PRKN: variants seen among roughly 807,000 people sequenced by gnomAD.
The protein encoded by PRKN is parkin RBR E3 ubiquitin protein ligase, also known as E3 ubiquitin-protein ligase parkin.
PRKN carries 56 observed loss-of-function variants against 59.5 expected under a neutral mutation model. The ratio of observed to expected loss-of-function variants is 0.94; its 90% CI spans 0.76 to 1.18. The LOEUF (loss-of-function observed/expected upper bound fraction) is 1.18, where lower values mean the gene tolerates loss of function less well. Ranked by LOEUF, PRKN falls within the 50% of genes most tolerant of loss-of-function variation. PRKN has a pLI of 0.00. For missense variants in PRKN, 657 were observed against 596.4 expected (o/e 1.10, Z -1.06); for synonymous variants, 250 against 222.1 (o/e 1.13, Z -1.12).
At chr6:161,648,178 G>A (rs1474569161) in intron 7 of PRKN, among the ~76,000 whole-genome samples, 2 of 152,204 alleles carry the variant, frequency 1.3e-5, no homozygotes, top group Non-Finnish European at 2.9e-5. Flanking sequence ...GTGGCCAGAA[G>A]TAATTGTAGT....
chr6:161,698,629 A>G (rs1372103512), intron 7 of PRKN, among the ~76,000 whole-genome samples: 2 of 152,156 alleles, frequency 1.3e-5, no homozygotes, highest in African/African-American at 2.4e-5. Context: ...AGATCAAGAC[A>G]AAAGGATAGA....
At chr6:162,361,849 A>C (rs1785156899) in intron 2 of PRKN, among the ~76,000 whole-genome samples, 2 of 152,214 alleles carry the variant, frequency 1.3e-5, no homozygotes, top group Non-Finnish European at 2.9e-5. Context: ...ATATCAAAGC[A>C]AACCTTGAGG....
At chr6:162,263,884 C>A (rs1305256003) in intron 2 of PRKN, among the ~76,000 whole-genome samples, 1 of 151,488 alleles carries the variant, frequency 6.6e-6, no homozygotes, top group Non-Finnish European at 1.5e-5. Flanking sequence ...AACGCCACCC[C>A]CACCCCCCCA....
intron 6 of PRKN, among the ~76,000 whole-genome samples, chr6:161,870,925 G>A (rs1488813920): frequency 6.6e-6 from 1 of 151,954 alleles, no homozygotes; most frequent in Non-Finnish European, 1.5e-5. Context: ...TGAGACATGG[G>A]GAAAAATACT....
intron 1 of PRKN, among the ~76,000 whole-genome samples, chr6:162,590,500 A>G (rs1270179396): frequency 6.6e-6 from 1 of 152,192 alleles, no homozygotes; most frequent in African/African-American, 2.4e-5. Flanking sequence ...AGTGGCTAGT[A>G]CAACATATTT....
intron 6 of PRKN, among the ~76,000 whole-genome samples, chr6:161,972,258 G>C (rs971718094): frequency 2.8e-5 from 4 of 140,560 alleles, no homozygotes; most frequent in Non-Finnish European, 6.1e-5. Context: ...TGAGCAACAA[G>C]AGCGAAACTC....
At chr6:161,587,082 A>G (rs958001472) in intron 7 of PRKN, among the ~76,000 whole-genome samples, 1 of 152,238 alleles carries the variant, frequency 6.6e-6, no homozygotes, top group African/African-American at 2.4e-5. Context: ...AATCCAAATC[A>G]GTTTATAAAA....
In PRKN at chr6:162,149,163, G is replaced by A. The variant is rs113260904; in HGVS notation, c.534+51968C>T. On this transcript the variant is annotated intron_variant, in intron 4 of 11. Coordinates refer to ENST00000366898, the MANE Select transcript of PRKN (RefSeq NM_004562.3). ...CCTTCAAGGTCGTATTAGAGAAGAG[G>A]CAATAGCCAGGAAGGCTAGCTAGGC... 8.2e-3 allele frequency among the ~76,000 whole-genome samples: 1,253 copies of A among 152,152 alleles called. 14 individuals are homozygous for A. The highest frequency in any genetic ancestry group is 0.029 in the African/African-American group (1,189 of 41,492).
chr6:161,567,703 A>G (rs1780709138), intron 8 of PRKN, among the ~76,000 whole-genome samples: 1 of 152,246 alleles, frequency 6.6e-6, no homozygotes, highest in Non-Finnish European at 1.5e-5. Flanking sequence ...GAGAATGCAA[A>G]GTGACCTGAC....
At chr6:161,860,401 G>A (rs976736759) in intron 6 of PRKN, among the ~76,000 whole-genome samples, 1 of 152,130 alleles carries the variant, frequency 6.6e-6, no homozygotes, top group Non-Finnish European at 1.5e-5. Flanking sequence ...TGGTGATAAA[G>A]GACTTGAAAA....
At position 161,548,550 on chromosome 6, in the gene PRKN, C is replaced by T. The variant is rs1271911204; in HGVS notation, c.1083+304G>A. On this transcript the variant is annotated intron_variant, in intron 9 of 11. Coordinates refer to ENST00000366898, the MANE Select transcript of PRKN (RefSeq NM_004562.3). This position sits in a 1 kb window ranked among gnomAD's most constrained non-coding sequence, Gnocchi z 4.2. ...GAAAGAATAAATTTTTGCTCTGCAT[C>T]AGCTGAGTGCTGGGAGAAAAGTTTA... Among the ~76,000 whole-genome samples, 2 of 152,194 alleles carry T rather than the reference C, an allele frequency of 1.3e-5. No homozygotes were observed. The highest frequency in any genetic ancestry group is 2.9e-5 in the Non-Finnish European group (2 of 68,038).
intron 5 of PRKN, among the ~76,000 whole-genome samples, chr6:162,021,163 T>C (rs9364631): frequency 3.6e-5 from 1 of 27,654 alleles, no homozygotes; most frequent in African/African-American, 9.6e-5. Context: ...TATATATATA[T>C]ATAAAATATA....
chr6:161,516,172 G>A (rs1358238321), intron 9 of PRKN, among the ~76,000 whole-genome samples: 1 of 152,160 alleles, frequency 6.6e-6, no homozygotes, highest in Non-Finnish European at 1.5e-5. Flanking sequence ...AGTGGGCCAG[G>A]CGCAGTGGCT....
chr6:161,979,006 A>G (rs1170568292), intron 5 of PRKN, among the ~76,000 whole-genome samples: 2 of 152,140 alleles, frequency 1.3e-5, no homozygotes, highest in African/African-American at 4.8e-5. Flanking sequence ...ATGGTAGTTC[A>G]CAGATAAATC....
chr6:161,875,141 T>C (rs1042982814), intron 6 of PRKN, among the ~76,000 whole-genome samples: 1 of 136,268 alleles, frequency 7.3e-6, no homozygotes, highest in African/African-American at 2.9e-5. Context: ...ATATATAATA[T>C]ATATAAAAAT....
intron 9 of PRKN, among the ~76,000 whole-genome samples, chr6:161,449,490 A>C (rs1163496169): frequency 6.6e-6 from 1 of 152,188 alleles, no homozygotes; most frequent in Non-Finnish European, 1.5e-5. Flanking sequence ...CAGGGCCGTA[A>C]TATGTGAAAT....
intron 1 of PRKN, among the ~76,000 whole-genome samples, chr6:162,637,121 G>A (rs28499515): frequency 0.08 from 12,111 of 151,942 alleles, 661 homozygotes; most frequent in East Asian, 0.31. Flanking sequence ...GCCGGGCGTG[G>A]TGGCGGGTGC....
At chr6:161,821,593 T>C (rs1792026058) in intron 6 of PRKN, among the ~76,000 whole-genome samples, 1 of 151,990 alleles carries the variant, frequency 6.6e-6, no homozygotes, top group Non-Finnish European at 1.5e-5. Context: ...CAATGGCAAA[T>C]TTTCCTCCTA....
intron 5 of PRKN, among the ~76,000 whole-genome samples, chr6:162,041,143 C>G (rs1455928951): frequency 3.9e-5 from 6 of 152,020 alleles, no homozygotes; most frequent in Non-Finnish European, 8.8e-5. Context: ...TGAGATCGCA[C>G]CACTGCCCTC....
Sources: gnomAD v4.1 joint callset for allele counts (sites outside exome capture counted in the v4.1 genomes callset) on GRCh38, gnomAD v4.1.1 for gene constraint, Gnocchi (gnomAD v3.1) non-coding constraint, MANE v1.5 for transcripts, NCBI Gene and HGNC (gene_info 2026-07-23, HGNC 2026-07-21) for gene names.